The following GABRG3 variants were observed in gnomAD, a reference collection of about 807,000 sequenced individuals.
GABRG3 encodes the protein gamma-aminobutyric acid type A receptor subunit gamma3, also known as gamma-aminobutyric acid receptor subunit gamma-3.
GABRG3 carries 25 observed loss-of-function variants against 48.8 expected under a neutral mutation model. The observed-to-expected ratio is 0.51, with a 90% confidence interval of 0.37 to 0.72. The LOEUF (loss-of-function observed/expected upper bound fraction) is 0.72, where lower values mean the gene tolerates loss of function less well. GABRG3 is among the 30% of genes least tolerant of loss of function. GABRG3 has a pLI of 0.00. For missense variants in GABRG3, 394 were observed against 577.9 expected (o/e 0.68, Z 3.26); for synonymous variants, 227 against 217.6 (o/e 1.04, Z -0.38).
intron 3 of GABRG3, among the ~76,000 whole-genome samples, chr15:27,237,801 G>A (rs1890020377): frequency 6.6e-6 from 1 of 152,170 alleles, no homozygotes; most frequent in African/African-American, 2.4e-5. Flanking sequence ...CTTGCTCATT[G>A]GGACTTGGGA....
intron 3 of GABRG3, among the ~76,000 whole-genome samples, chr15:27,071,113 G>T (rs1896819821): frequency 6.6e-6 from 1 of 152,196 alleles, no homozygotes; most frequent in Non-Finnish European, 1.5e-5. Context: ...ACCATTTAGA[G>T]GAGAGAGAAT....
intron 6 of GABRG3, among the ~76,000 whole-genome samples, chr15:27,484,251 G>A (rs900480173): frequency 2.0e-5 from 3 of 152,010 alleles, no homozygotes; most frequent in Non-Finnish European, 2.9e-5. Flanking sequence ...GAGACTTTTT[G>A]TTATCTCTTC....
chr15:27,400,467 C>T (rs1482029606), intron 5 of GABRG3, among the ~76,000 whole-genome samples: 1 of 152,180 alleles, frequency 6.6e-6, no homozygotes, highest in African/African-American at 2.4e-5. Flanking sequence ...GAATAAGATA[C>T]TATGCTTTGA....
At chr15:27,275,554 C>T (rs577674879) in intron 3 of GABRG3, among the ~76,000 whole-genome samples, 18 of 152,222 alleles carry the variant, frequency 1.2e-4, no homozygotes, top group African/African-American at 4.1e-4. Flanking sequence ...TTGGGATATA[C>T]GTGTCTCAGA....
intron 3 of GABRG3, among the ~76,000 whole-genome samples, chr15:27,164,651 C>T (rs527831138): frequency 2.8e-4 from 42 of 152,202 alleles, no homozygotes; most frequent in Non-Finnish European, 5.4e-4. Flanking sequence ...CCTGAAGATT[C>T]CAGGGCAGTT....
At chr15:27,394,168 T>A (rs1395979507) in intron 5 of GABRG3, among the ~76,000 whole-genome samples, 1 of 152,188 alleles carries the variant, frequency 6.6e-6, no homozygotes, top group African/African-American at 2.4e-5. Context: ...TTTGTTCCTC[T>A]CACTGCCTTC....
chr15:26,986,371 G>T (rs2140642616), intron 2 of GABRG3, among the ~76,000 whole-genome samples: 1 of 152,264 alleles, frequency 6.6e-6, no homozygotes, highest in East Asian at 1.9e-4. Flanking sequence ...AAATTTTGTA[G>T]AGAAATTATA....
At chr15:27,000,423 C>T (rs2140655423) in intron 2 of GABRG3, among the ~76,000 whole-genome samples, 1 of 152,298 alleles carries the variant, frequency 6.6e-6, no homozygotes, top group African/African-American at 2.4e-5. Context: ...CCTGAGTACT[C>T]TACCCAAAGC....
intron 5 of GABRG3, among the ~76,000 whole-genome samples, chr15:27,419,898 A>C (rs2140609406): frequency 6.6e-6 from 1 of 152,340 alleles, no homozygotes; most frequent in Non-Finnish European, 1.5e-5. Flanking sequence ...GACTGGAAGA[A>C]CAAAACTTCT....
Position 27,245,883 on chromosome 15 carries a change from C to T in GABRG3, c.271-80926C>T, listed in dbSNP as rs1890254372. Among the ~76,000 whole-genome samples, 4 of 152,096 alleles carry T rather than the reference C, an allele frequency of 2.6e-5. No individual in the cohort carries two copies. In the South Asian group the frequency reaches 8.3e-4, roughly 32 times the overall value. On this transcript the variant is annotated intron_variant, in intron 3 of 9. Transcript: ENST00000615808. ...ACAAAAACAGAAACAAAAAGGAAAA[C>T]AGGTTTATTTGGCTCACGGTTCTGT...
chr15:27,324,593 C>T (rs1424121526), intron 3 of GABRG3, among the ~76,000 whole-genome samples: 1 of 152,136 alleles, frequency 6.6e-6, no homozygotes, highest in Admixed American at 6.5e-5. Context: ...TGCCATTTGC[C>T]CATGAAAGAC....
intron 5 of GABRG3, among the ~76,000 whole-genome samples, chr15:27,412,036 C>T (rs1343970345): frequency 6.6e-6 from 1 of 151,858 alleles, no homozygotes; most frequent in Non-Finnish European, 1.5e-5. Context: ...ATATTTATTT[C>T]TGGGCAGGTC....
At chr15:27,307,881 TTA>T (rs1310316271) in intron 3 of GABRG3, among the ~76,000 whole-genome samples, 8 of 135,082 alleles carry the variant, frequency 5.9e-5, no homozygotes, top group Non-Finnish European at 9.3e-5. Flanking sequence ...ATGTATATGT[TTA>T]TATATAAAAT....
chr15:27,276,478 T>C (rs2140476835), intron 3 of GABRG3, among the ~76,000 whole-genome samples: 1 of 152,320 alleles, frequency 6.6e-6, no homozygotes, highest in East Asian at 1.9e-4. Context: ...CAGACTAGAA[T>C]ATTTCATGGA....
intron 3 of GABRG3, among the ~76,000 whole-genome samples, chr15:27,158,630 T>G (rs1344307250): frequency 6.6e-6 from 1 of 152,236 alleles, no homozygotes; most frequent in Non-Finnish European, 1.5e-5. Flanking sequence ...ACCATGGACC[T>G]GGGATGAGTT....
chr15:27,363,518 CA>C (rs1895090343), intron 5 of GABRG3: 1 of 152,142 alleles, frequency 6.6e-6, no homozygotes, highest in South Asian at 2.1e-4. Flanking sequence ...GTTGGTGGGC[CA>C]TATGGAGAGG....
chr15:27,392,666 T>C (rs1887172689), intron 5 of GABRG3, among the ~76,000 whole-genome samples: 1 of 152,230 alleles, frequency 6.6e-6, no homozygotes, highest in Admixed American at 6.5e-5. Context: ...GGCATTATTC[T>C]ATACCTCCTG....
At chr15:27,088,245 C>CG (rs1168785506) in intron 3 of GABRG3, among the ~76,000 whole-genome samples, 7 of 107,876 alleles carry the variant, frequency 6.5e-5, no homozygotes, top group African/African-American at 2.2e-4. Context: ...TGGGAGTGCT[C>CG]GGGGCGGGCG....
At chr15:27,404,255 T>A (rs1418517866) in intron 5 of GABRG3, among the ~76,000 whole-genome samples, 1 of 151,926 alleles carries the variant, frequency 6.6e-6, no homozygotes, top group African/African-American at 2.4e-5. Context: ...ACCCCAGGAG[T>A]CTGCATACTT....
Sources: gnomAD v4.1 joint callset for allele counts (sites outside exome capture counted in the v4.1 genomes callset) on GRCh38, gnomAD v4.1.1 for gene constraint, MANE v1.5 for transcripts, NCBI Gene and HGNC (gene_info 2026-07-23, HGNC 2026-07-21) for gene names.